The following FN1 variants were observed in gnomAD, a reference collection of about 807,000 sequenced individuals.
FN1 encodes the protein fibronectin 1.
Under a neutral mutation model 297.3 loss-of-function variants are expected in FN1, and 106 were observed. That is an observed-to-expected ratio of 0.36 (90% CI 0.30 to 0.42). The LOEUF (loss-of-function observed/expected upper bound fraction) is 0.42. Ranked by LOEUF, FN1 falls within the 10% of genes least tolerant of loss-of-function variation. FN1 has a pLI of 1.00. For synonymous variants in FN1, 1,149 were observed against 1,152.6 expected (o/e 1.00, Z 0.06); for missense variants, 2,690 against 3,124.9 (o/e 0.86, Z 3.32).
At chr2:215,431,559 T>C (rs772450637) in intron 4 of FN1, among the ~76,000 whole-genome samples, 1 of 152,224 alleles carries the variant, frequency 6.6e-6, no homozygotes, top group Non-Finnish European at 1.5e-5. Flanking sequence ...GATCAGCTAT[T>C]AGGTAAAAGA....
intron 25 of FN1, 150 bp from the exon 26 acceptor site, chr2:215,391,964 T>C (rs980765933): frequency 5.6e-6 from 4 of 712,618 alleles, no homozygotes; most frequent in South Asian, 5.0e-5. Flanking sequence ...TTTTAAGTTA[T>C]AGTGTACTAC....
rs192768704 is a variant in FN1 at position 215,361,801 on chromosome 2, T to C, written c.7362+168A>G. 19 of 563,334 alleles carry C rather than the reference T, an allele frequency of 3.4e-5. No homozygotes were observed. The South Asian group carries it at 3.7e-4, about 11-fold the overall frequency. The allele number at this position is 563,334 out of a possible 1,614,324, so 34.9% of individuals were successfully genotyped here. A position where few individuals can be genotyped will look rare whatever the true frequency, so the allele number is the denominator to read the frequency against. On this transcript the variant is annotated intron_variant, in intron 45 of 45. Transcript: ENST00000354785. ...CAATAGGAGATGTTCAAGAGTTACA[T>C]AAATTATAACTTAAACTATATTATG...
In FN1 at chr2:215,372,166, G is replaced by C; in HGVS notation, c.6457C>G (p.Pro2153Ala). The C allele has an allele frequency of 1.2e-6, 2 of 1,614,232 alleles. No homozygotes were observed. Among genetic ancestry groups the C allele is most frequent in the Non-Finnish European group, 1.7e-6 (2 of 1,180,036 alleles). The change falls in exon 40 of 46, where the codon CCG becomes GCG. Residue 2153 changes from proline (P) to alanine (A), a missense_variant. Physicochemically the swap from Pro to Ala is conservative, Grantham distance 27. This residue lies in a region of FN1 where 1,743 missense variants were observed against 1,945.2 expected (regional missense o/e 0.90). Transcript: ENST00000354785. ...CTTATGGGGGTGGCCGTTGTGGGCG[G>C]TGTGGTCCGCCTAAAACCATGTTCC... ...FEEHGFRRTT[P>A]PTTATPIRHR... is the part of the protein sequence containing the mutation.
chr2:215,367,301 ATCAAT>A (rs1411251480), intron 42 of FN1, among the ~76,000 whole-genome samples: 7 of 152,254 alleles, frequency 4.6e-5, no homozygotes, highest in Admixed American at 1.3e-4. Context: ...TCAAACATTT[ATCAAT>A]TCAAGTTGAT....
At chr2:215,366,962 A>T (rs1165667154) in intron 42 of FN1, among the ~76,000 whole-genome samples, 2 of 152,232 alleles carry the variant, frequency 1.3e-5, no homozygotes, top group Non-Finnish European at 2.9e-5. Context: ...TATATTGAAA[A>T]CACTGGCTGG....
intron 20 of FN1, 40 bp from the exon 21 acceptor site, chr2:215,399,391 T>G: frequency 7.5e-7 from 1 of 1,337,068 alleles, no homozygotes; most frequent in Middle Eastern, 1.8e-4. Flanking sequence ...AAACTCAAAC[T>G]CACAGATGAT....
intron 25 of FN1, chr2:215,392,545 T>G: frequency 3.4e-6 from 1 of 293,928 alleles, no homozygotes; most frequent in South Asian, 3.2e-5. Context: ...AGGAAGATCA[T>G]GATGGTACAT....
chr2:215,391,564 G>T (rs1206237324), intron 26 of FN1, 68 bp downstream of exon 26: 1 of 1,413,410 alleles, frequency 7.1e-7, no homozygotes, highest in Non-Finnish European at 1.0e-6. Flanking sequence ...CCTCCTACTT[G>T]AGAATTTAGA....
Position 215,420,764 on chromosome 2 carries a change from G to A in FN1, c.1584C>T (p.Asn528=), listed in dbSNP as rs528350304. ...CIVDDITYNV[N]DTFHKRHEEG... ...CTTCATGACGCTTGTGGAATGTGTC[G>A]TTCACATTGTAAGTGATGTCATCAA... Residue 528 remains asparagine (N), a synonymous_variant, in exon 11 of 46, where the codon AAC becomes AAT. Transcript: ENST00000354785. 1.8e-5 allele frequency: 29 copies of A among 1,613,338 alleles called. No homozygotes were observed. Among genetic ancestry groups the A allele is most frequent in the African/African-American group, 2.7e-5 (2 of 74,866 alleles).
At chr2:215,394,771 G>T in intron 23 of FN1, 52 bp from the exon 24 acceptor site, 1 of 1,436,992 alleles carries the variant, frequency 7.0e-7, no homozygotes, top group Non-Finnish European at 9.8e-7. Flanking sequence ...GTGAGCCAGA[G>T]CATATTTAAC....
At chr2:215,401,235 A>AAGG (rs1559475044) in intron 20 of FN1, among the ~76,000 whole-genome samples, 1 of 58,042 alleles carries the variant, frequency 1.7e-5, no homozygotes, top group African/African-American at 6.7e-5. Context: ...AGAAAGAAAG[A>AAGG]AAGAAAGAAA....
intron 8 of FN1, 94 bp downstream of exon 8, chr2:215,424,052 G>T: frequency 8.0e-7 from 1 of 1,243,034 alleles, no homozygotes; most frequent in Non-Finnish European, 1.2e-6. Flanking sequence ...CTTCTTGGGC[G>T]GGTTCAAAAT....
chr2:215,368,104 CTG>C (rs2055024153), intron 41 of FN1, 77 bp from the exon 42 acceptor site: 3 of 1,424,926 alleles, frequency 2.1e-6, no homozygotes, highest in Non-Finnish European at 3.0e-6. Flanking sequence ...AATCGAATGA[CTG>C]TATACAATGA....
At chr2:215,394,773 AT>A in intron 23 of FN1, 54 bp from the exon 24 acceptor site, 1 of 1,368,240 alleles carries the variant, frequency 7.3e-7, no homozygotes, top group South Asian at 1.2e-5. Context: ...GAGCCAGAGC[AT>A]ATTTAACTAG....
At chr2:215,434,871 C>T in intron 1 of FN1, 47 bp from the exon 2 acceptor site, 1 of 1,601,370 alleles carries the variant, frequency 6.2e-7, no homozygotes, top group Non-Finnish European at 8.6e-7. Context: ...TCTCCTTTTC[C>T]CAAAATTATG....
chr2:215,407,359 C>A (rs1382945364), intron 17 of FN1, 38 bp from the exon 18 acceptor site: 3 of 1,537,014 alleles, frequency 2.0e-6, no homozygotes, highest in African/African-American at 2.7e-5. Flanking sequence ...GCACTGTTTT[C>A]TTTGAGACAG....
At chr2:215,405,581 A>G (rs2061677261) in intron 19 of FN1, among the ~76,000 whole-genome samples, 1 of 152,038 alleles carries the variant, frequency 6.6e-6, no homozygotes, top group African/African-American at 2.4e-5. Flanking sequence ...CATTTCTACT[A>G]AAAACACAAA....
chr2:215,423,547 C>A, intron 8 of FN1, 21 bp from the exon 9 acceptor site: 3 of 1,612,274 alleles, frequency 1.9e-6, no homozygotes, highest in Non-Finnish European at 2.5e-6. Context: ...CAATACACAA[C>A]AAAGAAGGAA....
chr2:215,419,450 G>T, intron 11 of FN1, 65 bp from the exon 12 acceptor site: 1 of 1,344,902 alleles, frequency 7.4e-7, no homozygotes, highest in South Asian at 1.2e-5. Context: ...TTAATTTCAG[G>T]GTGCTAGAGC....
Sources: gnomAD v4.1 joint callset for allele counts (sites outside exome capture counted in the v4.1 genomes callset) on GRCh38, gnomAD v4.1.1 for gene constraint, gnomAD v4.1.1 regional missense constraint, MANE v1.5 for transcripts, NCBI Gene and HGNC (gene_info 2026-07-23, HGNC 2026-07-21) for gene names.